Variants in ARHGAP35 observed in about 807,000 individuals in gnomAD.
ARHGAP35 encodes Rho GTPase activating protein 35.
In ARHGAP35, 15 loss-of-function variants were observed where a neutral mutation model predicts 111.1. The observed-to-expected ratio is 0.13, with a 90% CI of 0.09 to 0.21. The LOEUF (loss-of-function observed/expected upper bound fraction) is 0.21. Among genes scored for constraint, ARHGAP35 ranks in the 10% least tolerant of loss-of-function variants. The pLI is 1.00. For synonymous variants in ARHGAP35, 643 were observed against 710.3 expected, an observed-to-expected ratio of 0.91 and a Z score of 1.51; for missense variants, 1,262 against 1,873.0, an observed-to-expected ratio of 0.67 and a Z score of 6.02.
chr19:47,000,517 G>A lies in ARHGAP35; in HGVS notation c.4329G>A (p.Glu1443=), dbSNP rs1568492504. ...PFFFYNRPIT[E]PPGARPSSPS... ...TCTTCTACAATCGGCCCATCACCGA[G>A]CCCCCCGGCGCCAGGCCCAGCTCCC... Residue 1443 remains glutamate, a synonymous_variant, in exon 7 of 7, where the codon GAG becomes GAA. Coordinates refer to ENST00000672722, the MANE Select transcript of ARHGAP35 (RefSeq NM_004491.5). This position sits in a 1 kb window ranked among gnomAD's most constrained non-coding sequence, Gnocchi z 6.9. 1 of 1,613,302 alleles carries A rather than the reference G, an allele frequency of 6.2e-7. No individual in the cohort carries two copies. The highest frequency in any genetic ancestry group is 8.5e-7 in the Non-Finnish European group (1 of 1,179,826).
At chr19:46,949,812 G>A (rs2056401618) in intron 3 of ARHGAP35, among the ~76,000 whole-genome samples, 1 of 152,194 alleles carries the variant, frequency 6.6e-6, no homozygotes, top group Non-Finnish European at 1.5e-5. Context: ...AGTAGTGCCT[G>A]GCACATAGTG....
intron 1 of ARHGAP35, among the ~76,000 whole-genome samples, chr19:46,888,264 A>G (rs1405964461): frequency 1.1e-3 from 1 of 924 alleles, no homozygotes; most frequent in Non-Finnish European, 2.5e-3. Context: ...AATCAATAAT[A>G]TATATATATA....
chr19:46,988,224 C>T lies in ARHGAP35; in HGVS notation c.3904+158C>T, dbSNP rs977388069. 48 of 692,784 alleles carry T rather than the reference C, an allele frequency of 6.9e-5. No homozygotes were observed. The highest frequency in any genetic ancestry group is 1.4e-4 in the East Asian group (5 of 34,962). The allele number at this position is 692,784 out of a possible 1,614,324, so 42.9% of individuals were successfully genotyped here. On this transcript the variant is annotated intron_variant, in intron 4 of 6. Coordinates refer to ENST00000672722, the MANE Select transcript of ARHGAP35 (RefSeq NM_004491.5). This position sits in a 1 kb window ranked among gnomAD's most constrained non-coding sequence, Gnocchi z 5.4. ...AGAAAGAGACCATGTGTGGCTGCAGCGGGGAGGAGGGGACCGGGTCCTGTC... is the reference window on the plus strand; with the variant it reads ...AGAAAGAGACCATGTGTGGCTGCAGTGGGGAGGAGGGGACCGGGTCCTGTC...
At chr19:46,912,335 T>C (rs543078044) in intron 1 of ARHGAP35, among the ~76,000 whole-genome samples, 16 of 147,262 alleles carry the variant, frequency 1.1e-4, no homozygotes, top group African/African-American at 4.0e-4. Context: ...TGAGTCACCG[T>C]GCCCGGCCAG....
At chr19:46,978,070 A>G (rs2056588789) in intron 3 of ARHGAP35, among the ~76,000 whole-genome samples, 1 of 152,210 alleles carries the variant, frequency 6.6e-6, no homozygotes, top group South Asian at 2.1e-4. Context: ...CTGCAAGTTC[A>G]TCAGGACTGC....
chr19:47,000,977 T>G lies in ARHGAP35; in HGVS notation c.*289T>G. 6.7e-7 allele frequency: 1 copy of G among 1,493,634 alleles called. No homozygotes were observed. The highest frequency in any genetic ancestry group is 8.9e-7 in the Non-Finnish European group (1 of 1,119,548). The allele number at this position is 1,493,634 out of a possible 1,614,324, so 92.5% of individuals were successfully genotyped here. A position where few individuals can be genotyped will look rare whatever the true frequency, so the allele number is the denominator to read the frequency against. Reference sequence around the variant, plus strand: ...CTGTTCCCTGGACCACCACCCCACGTAGCTGCTCACACCAGCCTCCGGGTG... The same window carrying G: ...CTGTTCCCTGGACCACCACCCCACGGAGCTGCTCACACCAGCCTCCGGGTG... On this transcript the variant is annotated 3_prime_UTR_variant, in exon 7 of 7. Transcript: ENST00000672722. The surrounding 1 kb of genome is among the most constrained non-coding windows in gnomAD (Gnocchi z 6.9).
chr19:46,954,786 A>G (rs1362129898), intron 3 of ARHGAP35, among the ~76,000 whole-genome samples: 1 of 152,260 alleles, frequency 6.6e-6, no homozygotes, highest in East Asian at 1.9e-4. Context: ...CCTTTCTAGT[A>G]CATAGTCCAA....
In ARHGAP35 at chr19:46,920,360, G is replaced by A; in HGVS notation, c.1685G>A (p.Cys562Tyr). The stretch of plus-strand genomic sequence containing the variant: ...CCAACAAAGGAGACATGCCCCAGCT[G>A]CCCAGCTTGTGTGGACGCTAAGATT... Reference protein sequence around the residue: ...YHPTKETCPSCPACVDAKIEH... With the variant: ...YHPTKETCPSYPACVDAKIEH... The change falls in exon 2 of 7, where the codon TGC becomes TAC. Residue 562 changes from cysteine (C) to tyrosine (Y), a missense_variant. Physicochemically the swap from Cys to Tyr is radical, Grantham distance 194 (BLOSUM62 -2). Coordinates refer to ENST00000672722, the MANE Select transcript of ARHGAP35 (RefSeq NM_004491.5). The surrounding 1 kb of genome is among the most constrained non-coding windows in gnomAD (Gnocchi z 7.0). 1.9e-6 allele frequency: 3 copies of A among 1,613,966 alleles called. No homozygotes were observed. Among genetic ancestry groups the A allele is most frequent in the Non-Finnish European group, 2.5e-6 (3 of 1,179,902 alleles).
rs570682144 is a variant in ARHGAP35, at chr19:47,003,087, A to C, written c.*2399A>C. On this transcript the variant is annotated 3_prime_UTR_variant, in exon 7 of 7. Coordinates refer to ENST00000672722, the MANE Select transcript of ARHGAP35 (RefSeq NM_004491.5). ...TCCTCTTGTTTCCCCCGCTAACTTC[A>C]GCCTCTCATCTGCTGCTCCGGGCTG... is the stretch of plus-strand genomic sequence containing the variant. The C allele has an allele frequency of 1.3e-5, 2 of 152,432 alleles. No homozygotes were observed. Among genetic ancestry groups the C allele is most frequent in the East Asian group, 3.9e-4 (2 of 5,184 alleles). 9.4% of individuals were successfully genotyped at this position (152,432 alleles called of 1,614,324 possible). A position where few individuals can be genotyped will look rare whatever the true frequency, so the allele number is the denominator to read the frequency against.
At chr19:46,911,838 A>C (rs1437553373) in intron 1 of ARHGAP35, among the ~76,000 whole-genome samples, 2 of 152,216 alleles carry the variant, frequency 1.3e-5, no homozygotes, top group Admixed American at 1.3e-4. Context: ...TGGATTTTAC[A>C]GATGAATGAA....
rs147747244 is a variant in ARHGAP35, at chr19:46,992,983, G to T, written c.4036+3308G>T. Among the ~76,000 whole-genome samples, 2 of 152,310 alleles carry T rather than the reference G, an allele frequency of 1.3e-5. No individual in the cohort carries two copies. The highest frequency in any genetic ancestry group is 4.8e-5 in the African/African-American group (2 of 41,564). ...CTTTGATCTGTCCACATAGCTGCCCGAGGGCACGGGGGTGCTTCTCACACC... is the reference window on the plus strand; with the variant it reads ...CTTTGATCTGTCCACATAGCTGCCCTAGGGCACGGGGGTGCTTCTCACACC... On this transcript the variant is annotated intron_variant, in intron 5 of 6. Transcript: ENST00000672722. The surrounding 1 kb of genome is among the most constrained non-coding windows in gnomAD (Gnocchi z 4.4).
At chr19:46,875,467 G>A (rs1283206373) in intron 1 of ARHGAP35, among the ~76,000 whole-genome samples, 2 of 151,992 alleles carry the variant, frequency 1.3e-5, no homozygotes, top group African/African-American at 2.4e-5. Context: ...GAAGTCTGTC[G>A]CCTTTCAGTC....
chr19:46,981,611 A>AT (rs775080736), intron 3 of ARHGAP35, among the ~76,000 whole-genome samples: 5 of 152,066 alleles, frequency 3.3e-5, no homozygotes, highest in Non-Finnish European at 5.9e-5. Context: ...AAAGGAGGTG[A>AT]TTTTCCCCAT....
chr19:46,949,393 C>T (rs1472413953), intron 3 of ARHGAP35, among the ~76,000 whole-genome samples: 1 of 152,182 alleles, frequency 6.6e-6, no homozygotes, highest in Non-Finnish European at 1.5e-5. Context: ...TACCACCTTA[C>T]CAAAGTAGTT....
chr19:46,915,083 T>C (rs1227177137), intron 1 of ARHGAP35, among the ~76,000 whole-genome samples: 3 of 152,236 alleles, frequency 2.0e-5, no homozygotes, highest in African/African-American at 7.2e-5. Flanking sequence ...CCTAAGTTTC[T>C]TCATGGATTG....
intron 1 of ARHGAP35, among the ~76,000 whole-genome samples, chr19:46,910,715 C>T (rs937064768): frequency 9.9e-5 from 15 of 151,964 alleles, no homozygotes; most frequent in African/African-American, 3.6e-4. Context: ...TCAGCCTCCC[C>T]GGTAGCTGGG....
chr19:46,888,884 CT>C (rs1243135869), intron 1 of ARHGAP35, among the ~76,000 whole-genome samples: 1 of 151,450 alleles, frequency 6.6e-6, no homozygotes, highest in Non-Finnish European at 1.5e-5. Flanking sequence ...TGGCACGTGC[CT>C]GTAGTACCAG....
intron 1 of ARHGAP35, among the ~76,000 whole-genome samples, chr19:46,911,539 G>T (rs1209459806): frequency 6.6e-6 from 1 of 152,156 alleles, no homozygotes; most frequent in Non-Finnish European, 1.5e-5. Context: ...AGGGAATTTA[G>T]CTGCTGTATA....
chr19:46,998,204 C>T (rs930868617), intron 5 of ARHGAP35, among the ~76,000 whole-genome samples: 3 of 152,136 alleles, frequency 2.0e-5, no homozygotes, highest in Admixed American at 6.5e-5. Flanking sequence ...CCGGCCGAGA[C>T]GGTCTGGCAC....
Sources: gnomAD v4.1 joint callset for allele counts (sites outside exome capture counted in the v4.1 genomes callset) on GRCh38, gnomAD v4.1.1 for gene constraint, Gnocchi (gnomAD v3.1) non-coding constraint, MANE v1.5 for transcripts, NCBI Gene and HGNC (gene_info 2026-07-23, HGNC 2026-07-21) for gene names.